The following CELF4 variants were observed in gnomAD, a reference collection of about 807,000 sequenced individuals.
CELF4 encodes CUGBP Elav-like family member 4.
In CELF4, 18 loss-of-function variants were observed where a neutral mutation model predicts 59.9. The observed-to-expected ratio is 0.30, with a 90% CI of 0.21 to 0.45. The LOEUF (loss-of-function observed/expected upper bound fraction) is 0.45, where lower values mean the gene tolerates loss of function less well. CELF4 is among the 20% of genes least tolerant of loss of function. The pLI, the probability that CELF4 is intolerant of heterozygous loss-of-function variation, is 1.00. For missense variants in CELF4, 456 were observed against 689.0 expected, an observed-to-expected ratio of 0.66 and a Z score of 3.79; for synonymous variants, 261 against 267.1, an observed-to-expected ratio of 0.98 and a Z score of 0.22.
At chr18:37,385,284 G>A (rs1329989559) in intron 2 of CELF4, among the ~76,000 whole-genome samples, 10 of 151,168 alleles carry the variant, frequency 6.6e-5, no homozygotes, top group South Asian at 4.2e-4. Flanking sequence ...GAACTCGGGA[G>A]GCGGAGGTTG....
intron 2 of CELF4, among the ~76,000 whole-genome samples, chr18:37,325,829 T>G (rs1161561715): frequency 6.6e-6 from 1 of 152,250 alleles, no homozygotes. Context: ...CCATGTGCCA[T>G]TATAATCTGA....
intron 3 of CELF4, among the ~76,000 whole-genome samples, chr18:37,314,653 ACCCTGCCAGGGCC>A (rs142707696): frequency 0.022 from 3,391 of 152,070 alleles, 68 homozygotes; most frequent in Non-Finnish European, 0.032. Flanking sequence ...TACTGCCACC[ACCCTGCCAGGGCC>A]CCCTTCCTGG....
chr18:37,356,840 G>T (rs546049049), intron 2 of CELF4, among the ~76,000 whole-genome samples: 1 of 152,184 alleles, frequency 6.6e-6, no homozygotes, highest in Non-Finnish European at 1.5e-5. Flanking sequence ...GGCAGCCTGG[G>T]TTTATGCCAG....
intron 3 of CELF4, among the ~76,000 whole-genome samples, chr18:37,283,480 G>A (rs2094391092): frequency 6.6e-6 from 1 of 152,112 alleles, no homozygotes; most frequent in African/African-American, 2.4e-5. Context: ...AGATGTCCAT[G>A]TTCATTCATT....
At chr18:37,280,526 T>C (rs1209635110) in intron 3 of CELF4, among the ~76,000 whole-genome samples, 1 of 152,130 alleles carries the variant, frequency 6.6e-6, no homozygotes, top group Non-Finnish European at 1.5e-5. Context: ...GATAGATACA[T>C]TCAGTAACTC....
intron 2 of CELF4, among the ~76,000 whole-genome samples, chr18:37,410,079 G>T (rs1466074521): frequency 6.6e-6 from 1 of 152,274 alleles, no homozygotes; most frequent in South Asian, 2.1e-4. Context: ...GGACTGAGCG[G>T]CTGCCACTCC....
chr18:37,422,966 A>G (rs1330206359), intron 2 of CELF4, among the ~76,000 whole-genome samples: 2 of 152,170 alleles, frequency 1.3e-5, no homozygotes, highest in East Asian at 3.9e-4. Flanking sequence ...TTCCAAAGCC[A>G]CTTTCTCTGC....
chr18:37,376,845 G>T (rs913191220), intron 2 of CELF4, among the ~76,000 whole-genome samples: 2 of 152,202 alleles, frequency 1.3e-5, no homozygotes, highest in Admixed American at 1.3e-4. Flanking sequence ...TCTGCAATGT[G>T]CTCTGTTAGA....
chr18:37,251,706 G>A (rs759604448), intron 12 of CELF4, among the ~76,000 whole-genome samples: 4 of 152,164 alleles, frequency 2.6e-5, no homozygotes, highest in Non-Finnish European at 4.4e-5. Flanking sequence ...CTGCTTTCAC[G>A]AAACCGTCCC....
At chr18:37,267,146 A>G (rs1405905289) in intron 8 of CELF4, among the ~76,000 whole-genome samples, 1 of 152,206 alleles carries the variant, frequency 6.6e-6, no homozygotes, top group Non-Finnish European at 1.5e-5. Context: ...CCCCCAGCCC[A>G]TGGCTAAGTT....
At chr18:37,471,269 C>A in intron 2 of CELF4, among the ~76,000 whole-genome samples, 1 of 152,284 alleles carries the variant, frequency 6.6e-6, no homozygotes. Context: ...CACTTCCTCA[C>A]CTCAGTCCTC....
intron 2 of CELF4, among the ~76,000 whole-genome samples, chr18:37,366,958 T>A (rs1603629127): frequency 2.0e-5 from 3 of 152,238 alleles, no homozygotes; most frequent in African/African-American, 7.2e-5. Context: ...AAGAGGTATT[T>A]ACAGAAAACA....
At chr18:37,551,674 G>A (rs530327195) in intron 1 of CELF4, among the ~76,000 whole-genome samples, 1 of 152,274 alleles carries the variant, frequency 6.6e-6, no homozygotes, top group East Asian at 1.9e-4. Context: ...TGCCTGCCTT[G>A]GTGACAGCAA....
chr18:37,326,688 T>C (rs531072972), intron 2 of CELF4, among the ~76,000 whole-genome samples: 1 of 152,216 alleles, frequency 6.6e-6, no homozygotes, highest in South Asian at 2.1e-4. Flanking sequence ...TGGACTGTGT[T>C]TCTACTTCCA....
intron 2 of CELF4, among the ~76,000 whole-genome samples, chr18:37,400,130 C>T (rs1029994411): frequency 6.6e-6 from 1 of 152,182 alleles, no homozygotes; most frequent in Non-Finnish European, 1.5e-5. Flanking sequence ...CTCATCCAAT[C>T]AGTTGAAAGG....
At chr18:37,564,007 G>C (rs1333822707) in intron 1 of CELF4, among the ~76,000 whole-genome samples, 1 of 152,216 alleles carries the variant, frequency 6.6e-6, no homozygotes, top group East Asian at 1.9e-4. Flanking sequence ...TGGAGGATCA[G>C]CTGTGTCCAT....
At chr18:37,282,381 AGGTACTGAGCATCCCTACAT>A (rs1271115025) in intron 3 of CELF4, among the ~76,000 whole-genome samples, 2 of 152,160 alleles carry the variant, frequency 1.3e-5, no homozygotes, top group Non-Finnish European at 2.9e-5. Context: ...TTTCCCCTAA[AGGTACTGAGCATCCCTACAT>A]GGCATTTCCA....
intron 1 of CELF4, among the ~76,000 whole-genome samples, chr18:37,501,018 A>T (rs978682936): frequency 6.6e-6 from 1 of 152,188 alleles, no homozygotes; most frequent in Non-Finnish European, 1.5e-5. Context: ...GGCTGATCAG[A>T]GGCCTTAGTT....
chr18:37,343,395 G>A (rs1280977484), intron 2 of CELF4, among the ~76,000 whole-genome samples: 1 of 150,438 alleles, frequency 6.6e-6, no homozygotes, highest in African/African-American at 2.5e-5. Flanking sequence ...GGTGGGGAGG[G>A]GGATGCCACT....
Sources: gnomAD v4.1 joint callset for allele counts (sites outside exome capture counted in the v4.1 genomes callset) on GRCh38, gnomAD v4.1.1 for gene constraint, MANE v1.5 for transcripts, NCBI Gene and HGNC (gene_info 2026-07-23, HGNC 2026-07-21) for gene names.